Variants in SSH1 observed in about 807,000 individuals in gnomAD.
The protein encoded by SSH1 is protein phosphatase Slingshot homolog 1.
A neutral mutation model predicts 79.7 loss-of-function variants in SSH1; 43 were observed. That is an observed-to-expected ratio of 0.54 (90% CI 0.42 to 0.70). The LOEUF is 0.70. Ranked by LOEUF, SSH1 falls within the 30% of genes least tolerant of loss-of-function variation. The probability of loss-of-function intolerance (pLI) is 0.00; values close to 1 mark genes in which losing one functional copy is unlikely to be tolerated. For missense variants in SSH1, 1,206 were observed against 1,358.8 expected, an observed-to-expected ratio of 0.89 and a Z score of 1.77; for synonymous variants, 599 against 538.3, an observed-to-expected ratio of 1.11 and a Z score of -1.56.
At position 108,792,689 on chromosome 12, in the gene SSH1, T is replaced by G. The variant is rs2036564199; in HGVS notation, c.1490A>C (p.Asp497Ala). ...GGGCCCTAAGCCGGGCTGGGCGGCA[T>G]CATCCAAGAAGGGCAGCTGGCTTTC... The part of the protein sequence containing the change: ...TPESQLPFLD[D>A]AAQPGLGPPL... Residue 497 changes from aspartate (D) to alanine (A), a missense_variant, in exon 14 of 15, where the codon GAT (aspartate) becomes GCT (alanine). By Grantham distance (126) the Asp-to-Ala change is moderately radical (BLOSUM62 -2). Transcript: ENST00000326495. The G allele has an allele frequency of 4.3e-6, 7 of 1,612,870 alleles. No homozygotes were observed. The highest frequency in any genetic ancestry group is 5.9e-6 in the Non-Finnish European group (7 of 1,180,004).
intron 2 of SSH1, chr12:108,837,029 G>A (rs554273480): frequency 3.4e-5 from 16 of 469,276 alleles, no homozygotes; most frequent in Middle Eastern, 3.7e-4. Context: ...TCAGGGGTTC[G>A]AGACCAGCCT....
intron 2 of SSH1, chr12:108,827,664 G>A (rs972921523): frequency 3.0e-5 from 25 of 845,136 alleles, no homozygotes; most frequent in East Asian, 4.2e-5. Flanking sequence ...AACAAGCACC[G>A]GGGTGTGCAT....
intron 2 of SSH1, among the ~76,000 whole-genome samples, chr12:108,841,669 G>C (rs1341926499): frequency 6.6e-6 from 1 of 151,898 alleles, no homozygotes; most frequent in Admixed American, 6.6e-5. Flanking sequence ...ATTAGCTAGG[G>C]GTGGTGGCGC....
chr12:108,832,409 T>C lies in SSH1; in HGVS notation c.111-9048A>G, dbSNP rs529565279. Among the ~76,000 whole-genome samples the C allele has an allele frequency of 2.7e-5, 4 of 147,880 alleles. No homozygotes were observed. In the South Asian group the frequency reaches 6.3e-4, roughly 23 times the overall value. On this transcript the variant is annotated intron_variant, in intron 2 of 14. Transcript: ENST00000326495. Reference sequence around the variant, plus strand: ...GTCATCTGGCTAATAAGAGGTAGAATGGGGCTGAAAAAGTTCGGTGCTCTT... The same window carrying C: ...GTCATCTGGCTAATAAGAGGTAGAACGGGGCTGAAAAAGTTCGGTGCTCTT...
chr12:108,831,549 C>T (rs529529020), intron 2 of SSH1, among the ~76,000 whole-genome samples: 9 of 152,118 alleles, frequency 5.9e-5, no homozygotes, highest in Non-Finnish European at 1.2e-4. Flanking sequence ...ACAGTAACTT[C>T]GATATAAGGC....
intron 12 of SSH1, among the ~76,000 whole-genome samples, chr12:108,799,886 G>A (rs528063099): frequency 1.1e-4 from 16 of 152,316 alleles, no homozygotes; most frequent in African/African-American, 2.6e-4. Context: ...GTGAAGGAGC[G>A]CCAAGCCAGT....
chr12:108,854,578 T>C (rs2137301548), intron 1 of SSH1, among the ~76,000 whole-genome samples: 1 of 152,312 alleles, frequency 6.6e-6, no homozygotes, highest in Admixed American at 6.5e-5. Context: ...CAGGCCTGGC[T>C]GTGTCAGGAA....
rs535932290 is a variant in SSH1, at chr12:108,817,575, A to AAAC, written c.280-419_280-417dup. Reference sequence around the variant, plus strand: ...GAGCGACAGAGTGAGATTCTGTCTCAAACAACAACAACACAACAAAACACA... The same window carrying AAAC: ...GAGCGACAGAGTGAGATTCTGTCTCAAACAACAACAACAACACAACAAAACACA... On this transcript the variant is annotated intron_variant, in intron 4 of 14. Coordinates refer to ENST00000326495, the MANE Select transcript of SSH1 (RefSeq NM_018984.4). Among the ~76,000 whole-genome samples, 935 of 152,210 alleles carry AAAC rather than the reference A, an allele frequency of 6.1e-3. 6 individuals carry two copies. Among genetic ancestry groups the AAAC allele is most frequent in the Non-Finnish European group, 9.4e-3 (638 of 67,994 alleles).
At chr12:108,823,150 C>A (rs1300279359) in intron 3 of SSH1, 108 bp downstream of exon 3, 4 of 1,070,738 alleles carry the variant, frequency 3.7e-6, no homozygotes, top group Middle Eastern at 2.5e-4. Flanking sequence ...AAACCTGCGT[C>A]CACTATGTCT....
Position 108,788,577 on chromosome 12 carries a change from C to A in SSH1, c.2561G>T (p.Ser854Ile), listed in dbSNP as rs2036365938. Residue 854 changes from serine (S) to isoleucine (I), a missense_variant, in exon 15 of 15, where the codon AGC (serine) becomes ATC (isoleucine). Ser to Ile is a moderately radical substitution (Grantham distance 142, BLOSUM62 -2). Transcript: ENST00000326495. ...RDGPASRLEA[S>I]IPEESQDPAA... ...TGGATCCTGGCTCTCCTCGGGGATGCTGGCCTCCAGCCTGCTGGCAGGGCC... is the reference window on the plus strand; with the variant it reads ...TGGATCCTGGCTCTCCTCGGGGATGATGGCCTCCAGCCTGCTGGCAGGGCC... 6 of 1,599,838 alleles carry A rather than the reference C, an allele frequency of 3.8e-6. No homozygotes were observed. The highest frequency in any genetic ancestry group is 4.3e-6 in the Non-Finnish European group (5 of 1,171,192).
intron 2 of SSH1, among the ~76,000 whole-genome samples, chr12:108,835,186 A>G (rs577297555): frequency 6.6e-6 from 1 of 152,340 alleles, no homozygotes; most frequent in African/African-American, 2.4e-5. Context: ...TGTAACACCA[A>G]TAACATCTTC....
intron 5 of SSH1, chr12:108,811,634 G>A: frequency 2.2e-6 from 1 of 446,430 alleles, no homozygotes; most frequent in Non-Finnish European, 4.2e-6. Context: ...TGTGTACTTG[G>A]GGGTACATAG....
At chr12:108,793,833 G>A (rs933860008) in intron 13 of SSH1, among the ~76,000 whole-genome samples, 1 of 152,348 alleles carries the variant, frequency 6.6e-6, no homozygotes, top group Non-Finnish European at 1.5e-5. Context: ...GTAAATGTAA[G>A]AGCACAGTGT....
chr12:108,788,464 C>A lies in SSH1; in HGVS notation c.2674G>T (p.Gly892Ter). ...KSEAAPASLE[G>*]GSLKSPPPFF... is the part of the protein sequence containing the mutation. ...GGAGGGGGGCTCTTCAGTGAGCCTC[C>A]TTCCAATGAAGCGGGGGCGGCCTCT... The change falls in exon 15 of 15, where the codon GGA (glycine) becomes TGA (stop). Residue 892 changes from glycine (G) to a stop codon, truncating the protein, a stop_gained. Transcript: ENST00000326495. LOFTEE classifies it high-confidence loss of function. The A allele has an allele frequency of 6.4e-7, 1 of 1,561,826 alleles. No individual in the cohort carries two copies. The highest frequency in any genetic ancestry group is 1.2e-5 in the South Asian group (1 of 81,880).
In SSH1 at chr12:108,784,459, A is replaced by T. The variant is rs1294391926; in HGVS notation, c.*3529T>A. The T allele has an allele frequency of 1.3e-5, 2 of 152,314 alleles. No individual in the cohort carries two copies. Among genetic ancestry groups the T allele is most frequent in the Non-Finnish European group, 2.9e-5 (2 of 68,092 alleles). The allele number at this position is 152,314 out of a possible 1,614,324, so 9.4% of individuals were successfully genotyped here. ...CAAGGAGAAGGGCTTGCCACCCAGC[A>T]GAGAGCTATTCAACAGCCCAGAGGT... On this transcript the variant is annotated 3_prime_UTR_variant, in exon 15 of 15. Transcript: ENST00000326495.
At chr12:108,829,139 T>G (rs2038409799) in intron 2 of SSH1, among the ~76,000 whole-genome samples, 1 of 151,942 alleles carries the variant, frequency 6.6e-6, no homozygotes, top group Non-Finnish European at 1.5e-5. Context: ...ACTAGCATGG[T>G]CAACATGGCA....
rs914069644 is a variant in SSH1, at chr12:108,818,165, T to C, written c.279+84A>G. ...GTGAGCTAAGATCATGCCACTGCAC[T>C]CCAGCCTGGGCAACAGAGCAAGACC... On this transcript the variant is annotated intron_variant, in intron 4 of 14. Coordinates refer to ENST00000326495, the MANE Select transcript of SSH1 (RefSeq NM_018984.4). 6 of 1,186,262 alleles carry C rather than the reference T, an allele frequency of 5.1e-6. No homozygotes were observed. In the Admixed American group the frequency reaches 5.1e-5, roughly 10 times the overall value. The allele number at this position is 1,186,262 out of a possible 1,614,324, so 73.5% of individuals were successfully genotyped here. A position where few individuals can be genotyped will look rare whatever the true frequency, so the allele number is the denominator to read the frequency against.
intron 4 of SSH1, among the ~76,000 whole-genome samples, chr12:108,818,040 A>T (rs1377390733): frequency 6.6e-6 from 1 of 151,994 alleles, no homozygotes; most frequent in Non-Finnish European, 1.5e-5. Context: ...TATCCACAAA[A>T]TTTTTTTAAA....
intron 9 of SSH1, among the ~76,000 whole-genome samples, chr12:108,806,087 T>C (rs1031168832): frequency 7.2e-5 from 11 of 152,160 alleles, no homozygotes; most frequent in Admixed American, 5.9e-4. Context: ...CAATGTCTCA[T>C]AGCCGATAAG....
Sources: allele counts gnomAD v4.1 joint callset (sites outside exome capture counted in the v4.1 genomes callset), GRCh38; gene constraint gnomAD v4.1.1; transcripts MANE v1.5; gene names NCBI Gene and HGNC (gene_info 2026-07-23, HGNC 2026-07-21).